Variants in ANKRD11 observed in about 807,000 individuals in gnomAD.
ANKRD11 encodes the protein ankyrin repeat domain 11, also known as ankyrin repeat domain-containing protein 11.
Under a neutral mutation model 195.7 loss-of-function variants are expected in ANKRD11, and 17 were observed. That is an observed-to-expected ratio of 0.09 (90% CI 0.06 to 0.13). The LOEUF (loss-of-function observed/expected upper bound fraction) is 0.13, where lower values mean the gene tolerates loss of function less well. ANKRD11 is among the 10% of genes least tolerant of loss of function. The pLI, the probability that ANKRD11 is intolerant of heterozygous loss-of-function variation, is 1.00. For synonymous variants in ANKRD11, 1,953 were observed against 1,528.1 expected, an observed-to-expected ratio of 1.28 and a Z score of -6.49; for missense variants, 3,735 against 3,566.1, an observed-to-expected ratio of 1.05 and a Z score of -1.21.
intron 1 of ANKRD11, among the ~76,000 whole-genome samples, chr16:89,452,997 G>C (rs958919149): frequency 6.6e-6 from 1 of 151,994 alleles, no homozygotes; most frequent in Non-Finnish European, 1.5e-5. Flanking sequence ...TGTTGCCCAG[G>C]CTGGTGTCAA....
chr16:89,348,873 TA>T (rs754111553), intron 2 of ANKRD11, among the ~76,000 whole-genome samples: 1,815 of 130,304 alleles, frequency 0.014, 20 homozygotes, highest in African/African-American at 0.039. Flanking sequence ...TTATTGTCTT[TA>T]AAAAAAAAAA....
chr16:89,285,258 G>A lies in ANKRD11; in HGVS notation c.1284C>T (p.Leu428=), dbSNP rs768137099. 11 of 1,613,600 alleles carry A rather than the reference G, an allele frequency of 6.8e-6. No homozygotes were observed. The highest frequency in any genetic ancestry group is 9.3e-6 in the Non-Finnish European group (11 of 1,180,010). The part of the protein sequence containing the change: ...VTVGTGEKLR[L]SAHTILPGSK... ...TACCAGGCAATATCGTATGTGCCGA[G>A]AGTCTCAGCTTCTCTCCTGTCCCCA... Residue 428 remains leucine, a synonymous_variant, in exon 9 of 13, where the codon CTC becomes CTT. Coordinates refer to ENST00000301030, the MANE Select transcript of ANKRD11 (RefSeq NM_013275.6). The surrounding 1 kb of genome is among the most constrained non-coding windows in gnomAD (Gnocchi z 5.6).
intron 1 of ANKRD11, among the ~76,000 whole-genome samples, chr16:89,490,019 G>A (rs1357500214): frequency 2.9e-5 from 3 of 105,074 alleles, no homozygotes; most frequent in East Asian, 2.6e-4. Context: ...AAAGACCCCC[G>A]GCTGCCCCGA....
At chr16:89,304,146 G>A (rs1035167318) in intron 4 of ANKRD11, among the ~76,000 whole-genome samples, 2 of 152,200 alleles carry the variant, frequency 1.3e-5, no homozygotes, top group Non-Finnish European at 2.9e-5. Flanking sequence ...AGCAAGCACG[G>A]CCAGCGCAGA....
chr16:89,407,252 C>T (rs2041942559), intron 2 of ANKRD11, among the ~76,000 whole-genome samples: 1 of 151,538 alleles, frequency 6.6e-6, no homozygotes, highest in Non-Finnish European at 1.5e-5. Context: ...CGAGGAACAT[C>T]AGCAAAGGAC....
At chr16:89,286,243 G>C in intron 7 of ANKRD11, 57 bp from the exon 8 acceptor site, 1 of 1,600,536 alleles carries the variant, frequency 6.2e-7, no homozygotes, top group Non-Finnish European at 8.5e-7. Flanking sequence ...CTCCTCTACC[G>C]TTCCGCATAA....
intron 2 of ANKRD11, among the ~76,000 whole-genome samples, chr16:89,382,786 A>G (rs2040719260): frequency 6.6e-6 from 1 of 152,200 alleles, no homozygotes; most frequent in South Asian, 2.1e-4. Context: ...CAGCTGAAAT[A>G]AACGTTTAAC....
chr16:89,399,715 G>A (rs979780305), intron 2 of ANKRD11, among the ~76,000 whole-genome samples: 2 of 152,226 alleles, frequency 1.3e-5, no homozygotes, highest in South Asian at 2.1e-4. Flanking sequence ...GGCCGCTCTT[G>A]TGGGGATGCT....
intron 1 of ANKRD11, among the ~76,000 whole-genome samples, chr16:89,441,960 G>A (rs941480975): frequency 3.9e-5 from 6 of 152,072 alleles, no homozygotes; most frequent in East Asian, 1.9e-4. Context: ...CCAGACCTCC[G>A]TTCAAACAAC....
chr16:89,310,980 G>A (rs1229859473), intron 3 of ANKRD11, among the ~76,000 whole-genome samples: 1 of 152,228 alleles, frequency 6.6e-6, no homozygotes, highest in Non-Finnish European at 1.5e-5. Context: ...TCAATTTTAG[G>A]TGGAAAGAAT....
chr16:89,355,995 G>A (rs2039456161), intron 2 of ANKRD11, among the ~76,000 whole-genome samples: 1 of 152,306 alleles, frequency 6.6e-6, no homozygotes, highest in Admixed American at 6.5e-5. Context: ...AGGATCACAT[G>A]AGCCCCGCCC....
At chr16:89,343,502 T>TGAGC (rs779246263) in intron 2 of ANKRD11, among the ~76,000 whole-genome samples, 16 of 152,058 alleles carry the variant, frequency 1.1e-4, no homozygotes, top group Admixed American at 5.2e-4. Flanking sequence ...TGTGAGTGAG[T>TGAGC]GAGCGAGCAA....
chr16:89,375,652 A>G (rs903189754), intron 2 of ANKRD11, among the ~76,000 whole-genome samples: 17 of 151,578 alleles, frequency 1.1e-4, no homozygotes, highest in African/African-American at 4.1e-4. Context: ...CAGGGGTTTC[A>G]CCATGTTGGC....
chr16:89,286,343 C>A, intron 7 of ANKRD11, 157 bp from the exon 8 acceptor site: 1 of 1,069,516 alleles, frequency 9.4e-7, no homozygotes, highest in Non-Finnish European at 1.4e-6. Flanking sequence ...CCAGGGACTG[C>A]CTGGCGAGGC....
At chr16:89,397,577 G>C (rs990451518) in intron 2 of ANKRD11, among the ~76,000 whole-genome samples, 1 of 152,228 alleles carries the variant, frequency 6.6e-6, no homozygotes, top group Non-Finnish European at 1.5e-5. Context: ...CTGGCTGCAG[G>C]ACAAAGGTGT....
intron 1 of ANKRD11, among the ~76,000 whole-genome samples, chr16:89,438,336 T>C (rs112359640): frequency 2.0e-5 from 3 of 151,876 alleles, no homozygotes; most frequent in African/African-American, 7.2e-5. Context: ...TTTTTTTTTT[T>C]CAACACAGAG....
At chr16:89,361,676 T>C (rs1329247629) in intron 2 of ANKRD11, 1 of 152,136 alleles carries the variant, frequency 6.6e-6, no homozygotes, top group Non-Finnish European at 1.5e-5. Flanking sequence ...GACCTTCCAC[T>C]CCTGCTGAAA....
intron 2 of ANKRD11, among the ~76,000 whole-genome samples, chr16:89,335,402 G>A (rs2038299737): frequency 6.6e-6 from 1 of 152,232 alleles, no homozygotes; most frequent in African/African-American, 2.4e-5. Context: ...GGAGCAGCTT[G>A]AGGCCTCTGC....
Position 89,280,259 on chromosome 16 carries a change from G to A in ANKRD11, c.6283C>T (p.Leu2095=), listed in dbSNP as rs772144411. The change falls in exon 9 of 13, where the codon CTG becomes TTG. Residue 2095 remains leucine, a synonymous_variant. Transcript: ENST00000301030. ...AGGAAGCTATTTTCCAGGGGCCCCA[G>A]AGCCTCCACCTGAGCCACAGCGGCT... ...CVAAVAQVEA[L]GPLENSFLDG... 1.2e-6 allele frequency: 2 copies of A among 1,608,928 alleles called. No individual in the cohort carries two copies. The highest frequency in any genetic ancestry group is 1.3e-5 in the African/African-American group (1 of 74,896).
Sources: allele counts gnomAD v4.1 joint callset (sites outside exome capture counted in the v4.1 genomes callset), GRCh38; gene constraint gnomAD v4.1.1; non-coding constraint Gnocchi (gnomAD v3.1); transcripts MANE v1.5; gene names NCBI Gene and HGNC (gene_info 2026-07-23, HGNC 2026-07-21).